RBFOX2: variants seen among roughly 807,000 people sequenced by gnomAD.
RBFOX2 encodes the protein RNA binding protein fox-1 homolog 2.
In RBFOX2, 10 loss-of-function variants were observed where a neutral mutation model predicts 49.1. The ratio of observed to expected loss-of-function variants is 0.20; its 90% CI spans 0.13 to 0.35. RBFOX2 has a LOEUF of 0.35. Ranked by LOEUF, RBFOX2 falls within the 10% of genes least tolerant of loss-of-function variation. The probability of loss-of-function intolerance (pLI) is 1.00; values close to 1 mark genes in which losing one functional copy is unlikely to be tolerated. For missense variants in RBFOX2, 323 were observed against 486.9 expected (o/e 0.66, Z 3.17); for synonymous variants, 183 against 187.4 (o/e 0.98, Z 0.19).
intron 1 of RBFOX2, among the ~76,000 whole-genome samples, chr22:36,016,751 C>T (rs1042141328): frequency 1.3e-5 from 2 of 152,190 alleles, no homozygotes; most frequent in Non-Finnish European, 2.9e-5. Flanking sequence ...ATTCCATCAC[C>T]ATCATTTGAC....
intron 1 of RBFOX2, among the ~76,000 whole-genome samples, chr22:35,957,954 A>C (rs2055771693): frequency 1.3e-5 from 2 of 152,214 alleles, no homozygotes; most frequent in Non-Finnish European, 1.5e-5. Context: ...AAGCTTTGGC[A>C]TTTAAAAAAA....
At chr22:36,016,315 C>T (rs2059034089) in intron 1 of RBFOX2, among the ~76,000 whole-genome samples, 1 of 152,112 alleles carries the variant, frequency 6.6e-6, no homozygotes, top group South Asian at 2.1e-4. Context: ...CTCCCCAGGC[C>T]CTGTCTGTAG....
At chr22:35,773,992 GA>G (rs1047425367) in intron 4 of RBFOX2, among the ~76,000 whole-genome samples, 1 of 152,070 alleles carries the variant, frequency 6.6e-6, no homozygotes, top group African/African-American at 2.4e-5. Flanking sequence ...TTCTATATGA[GA>G]AAATAAGACT....
chr22:35,991,576 AGAG>A (rs2057983734), intron 1 of RBFOX2, among the ~76,000 whole-genome samples: 2 of 152,224 alleles, frequency 1.3e-5, no homozygotes, highest in African/African-American at 2.4e-5. Flanking sequence ...TCAGAAGAGC[AGAG>A]GAGAACAGGG....
Position 35,900,245 on chromosome 22 carries a change from C to G in RBFOX2, c.-34+38602G>C, listed in dbSNP as rs549688398. 4.6e-5 allele frequency among the ~76,000 whole-genome samples: 7 copies of G among 152,288 alleles called. No homozygotes were observed. In the South Asian group the frequency reaches 1.2e-3, roughly 27 times the overall value. On this transcript the variant is annotated intron_variant, in intron 1 of 13. Transcript: ENST00000359369. ...TCTCCTGTCTCAACCTCCCAAGTGGCTGGGATTACAGGCGCCTGCCACCAC... is the reference window on the plus strand; with the variant it reads ...TCTCCTGTCTCAACCTCCCAAGTGGGTGGGATTACAGGCGCCTGCCACCAC...
rs769912529 is a variant in RBFOX2 at position 35,762,503 on chromosome 22, C to CTTT, written c.608-1038_608-1036dup. 7.7e-4 allele frequency among the ~76,000 whole-genome samples: 98 copies of CTTT among 126,834 alleles called. 2 individuals are homozygous for CTTT. The highest frequency in any genetic ancestry group is 4.8e-3 in the East Asian group (22 of 4,614). The allele number at this position is 126,834 out of a possible 152,430, so 83.2% of individuals were successfully genotyped here. A position where few individuals can be genotyped will look rare whatever the true frequency, so the allele number is the denominator to read the frequency against. ...AGAAAAAGGCCAGAATTGGCCTCCT[C>CTTT]TTTTTTTTTTTTTTTTTTTTTGAGA... On this transcript the variant is annotated intron_variant, in intron 6 of 11. Transcript: ENST00000405409.
intron 9 of RBFOX2, among the ~76,000 whole-genome samples, chr22:35,748,809 A>G (rs1423493290): frequency 6.6e-6 from 1 of 152,252 alleles, no homozygotes; most frequent in African/African-American, 2.4e-5. Flanking sequence ...CATACGGCAG[A>G]GGTATAAATT....
At chr22:35,866,741 C>G (rs547588834) in intron 1 of RBFOX2, among the ~76,000 whole-genome samples, 71 of 152,230 alleles carry the variant, frequency 4.7e-4, no homozygotes, top group African/African-American at 1.7e-3. Flanking sequence ...CTCCTCTCAG[C>G]CAAAGAACAA....
intron 1 of RBFOX2, among the ~76,000 whole-genome samples, chr22:36,016,606 T>G (rs2059045736): frequency 6.6e-6 from 1 of 152,020 alleles, no homozygotes; most frequent in African/African-American, 2.4e-5. Context: ...ATGGGAAAAA[T>G]CCCACACACC....
intron 1 of RBFOX2, among the ~76,000 whole-genome samples, chr22:35,969,279 A>G (rs2056742718): frequency 6.6e-6 from 1 of 152,296 alleles, no homozygotes; most frequent in African/African-American, 2.4e-5. Context: ...TAAAAAAAAA[A>G]GCAGCTTTTA....
chr22:35,887,842 C>T (rs985402490), intron 1 of RBFOX2, among the ~76,000 whole-genome samples: 6 of 152,154 alleles, frequency 3.9e-5, no homozygotes, highest in African/African-American at 1.4e-4. Context: ...CTAATACAAT[C>T]ATTACCTACA....
chr22:35,837,457 T>A (rs1957881614), intron 1 of RBFOX2, among the ~76,000 whole-genome samples: 1 of 151,996 alleles, frequency 6.6e-6, no homozygotes, highest in Admixed American at 6.6e-5. Flanking sequence ...GACAGGTCAT[T>A]ATCAAATGTT....
chr22:35,886,141 C>G (rs1490015630), intron 1 of RBFOX2, among the ~76,000 whole-genome samples: 2 of 152,062 alleles, frequency 1.3e-5, no homozygotes, highest in African/African-American at 4.8e-5. Flanking sequence ...CAGGCGTGAG[C>G]CACCGCGCCC....
At chr22:35,760,346 A>G (rs1262641122) in intron 8 of RBFOX2, among the ~76,000 whole-genome samples, 1 of 152,234 alleles carries the variant, frequency 6.6e-6, no homozygotes, top group Non-Finnish European at 1.5e-5. Context: ...AATGACTGCC[A>G]TAATAAGAGA....
chr22:35,935,150 G>A lies in RBFOX2; in HGVS notation c.-34+3697C>T, dbSNP rs1192939920. 1.3e-5 allele frequency among the ~76,000 whole-genome samples: 2 copies of A among 152,024 alleles called. 1 individual carries two copies. Among genetic ancestry groups the A allele is most frequent in the Non-Finnish European group, 2.9e-5 (2 of 68,006 alleles). Reference sequence around the variant, plus strand: ...AAGGTCTTGCTATGTTGCCCAGGCTGGTCTCCAACTCCTGAGCTCAAACAA... The same window carrying A: ...AAGGTCTTGCTATGTTGCCCAGGCTAGTCTCCAACTCCTGAGCTCAAACAA... On this transcript the variant is annotated intron_variant, in intron 1 of 13. Coordinates refer to the RBFOX2 transcript ENST00000359369.
intron 2 of RBFOX2, among the ~76,000 whole-genome samples, chr22:35,792,029 A>AACT (rs1947781607): frequency 6.6e-6 from 1 of 152,176 alleles, no homozygotes; most frequent in Non-Finnish European, 1.5e-5. Context: ...CAAATTAGGC[A>AACT]ACTATTGCTG....
At chr22:36,008,181 TTG>T (rs1216252404) in intron 1 of RBFOX2, among the ~76,000 whole-genome samples, 2 of 152,182 alleles carry the variant, frequency 1.3e-5, no homozygotes, top group African/African-American at 4.8e-5. Flanking sequence ...TATCAAACCA[TTG>T]TGTTATCAAA....
At chr22:35,791,434 C>T (rs1947632997) in intron 2 of RBFOX2, among the ~76,000 whole-genome samples, 1 of 151,634 alleles carries the variant, frequency 6.6e-6, no homozygotes, top group South Asian at 2.1e-4. Flanking sequence ...GTTCTAAACC[C>T]TTAAATATTA....
At chr22:36,007,286 TAATA>T (rs1050755119) in intron 1 of RBFOX2, among the ~76,000 whole-genome samples, 1 of 151,346 alleles carries the variant, frequency 6.6e-6, no homozygotes, top group Non-Finnish European at 1.5e-5. Context: ...TATAAATACA[TAATA>T]AGTAAATATA....
Sources: allele counts gnomAD v4.1 joint callset (sites outside exome capture counted in the v4.1 genomes callset), GRCh38; gene constraint gnomAD v4.1.1; transcripts MANE v1.5; gene names NCBI Gene and HGNC (gene_info 2026-07-23, HGNC 2026-07-21).